Variants in USP34 observed in about 807,000 individuals in gnomAD.
USP34 encodes ubiquitin carboxyl-terminal hydrolase 34.
A neutral mutation model predicts 460.3 loss-of-function variants in USP34; 70 were observed. The observed-to-expected ratio is 0.15, with a 90% CI of 0.13 to 0.19. The LOEUF (loss-of-function observed/expected upper bound fraction) is 0.19, where lower values mean the gene tolerates loss of function less well. Ranked by LOEUF, USP34 falls within the 10% of genes least tolerant of loss-of-function variation. The pLI, the probability that USP34 is intolerant of heterozygous loss-of-function variation, is 1.00. For synonymous variants in USP34, 1,647 were observed against 1,405.3 expected, an observed-to-expected ratio of 1.17 and a Z score of -3.85; for missense variants, 3,985 against 4,236.2, an observed-to-expected ratio of 0.94 and a Z score of 1.65.
At chr2:61,224,504 G>C (rs1687673940) in intron 62 of USP34, among the ~76,000 whole-genome samples, 1 of 152,144 alleles carries the variant, frequency 6.6e-6, no homozygotes, top group Admixed American at 6.6e-5. Flanking sequence ...CATTTCATCT[G>C]GGATTCCAAA....
chr2:61,283,014 A>G, intron 37 of USP34, 131 bp downstream of exon 37: 1 of 871,040 alleles, frequency 1.1e-6, no homozygotes, highest in Non-Finnish European at 1.7e-6. Flanking sequence ...TAGACCTTAA[A>G]GGATTAAGCA....
chr2:61,190,674 G>T lies in USP34; in HGVS notation c.9589-16C>A. On this transcript the variant is annotated splice_polypyrimidine_tract_variant and intron_variant, in intron 76 of 79. Transcript: ENST00000398571. ...ACATAGCAGACTAAAGTGGGGAGAA[G>T]ATGGTTGAGCACTTACGGTTGAGCA... The T allele has an allele frequency of 6.2e-7, 1 of 1,609,814 alleles. No individual in the cohort carries two copies. Among genetic ancestry groups the T allele is most frequent in the Non-Finnish European group, 8.5e-7 (1 of 1,178,538 alleles).
intron 27 of USP34, 46 bp downstream of exon 27, chr2:61,311,494 A>AAG (rs764795511): frequency 2.3e-5 from 10 of 431,682 alleles, no homozygotes; most frequent in Non-Finnish European, 3.0e-5. Context: ...GAGAAAAAGA[A>AAG]AGAAAGAGAG....
chr2:61,337,100 C>A (rs1021322268), intron 18 of USP34, among the ~76,000 whole-genome samples: 1 of 152,120 alleles, frequency 6.6e-6, no homozygotes, highest in Non-Finnish European at 1.5e-5. Flanking sequence ...GTAAACACAT[C>A]TATGTAACCA....
chr2:61,203,041 A>C (rs1687019957), intron 75 of USP34, 99 bp downstream of exon 75: 1 of 1,293,870 alleles, frequency 7.7e-7, no homozygotes, highest in African/African-American at 1.5e-5. Context: ...CACTTTAAAA[A>C]AAGAAAAAAA....
At chr2:61,448,398 G>A (rs1336262168) in intron 1 of USP34, among the ~76,000 whole-genome samples, 1 of 152,148 alleles carries the variant, frequency 6.6e-6, no homozygotes, top group Non-Finnish European at 1.5e-5. Context: ...TCTGTAGTAA[G>A]CTGATAATAG....
chr2:61,379,876 A>T (rs1316474557), intron 7 of USP34, among the ~76,000 whole-genome samples: 1 of 152,278 alleles, frequency 6.6e-6, no homozygotes, highest in Non-Finnish European at 1.5e-5. Context: ...CCTCTTTCTC[A>T]AAACATCTAT....
intron 53 of USP34, among the ~76,000 whole-genome samples, chr2:61,237,669 G>T (rs1688109088): frequency 2.0e-5 from 3 of 147,012 alleles, no homozygotes; most frequent in Non-Finnish European, 4.5e-5. Context: ...CCTGGTCTCA[G>T]GTGATCCTCC....
At chr2:61,194,497 A>G (rs938642565) in intron 75 of USP34, among the ~76,000 whole-genome samples, 1 of 152,206 alleles carries the variant, frequency 6.6e-6, no homozygotes, top group Non-Finnish European at 1.5e-5. Flanking sequence ...TGAGCTAAGA[A>G]TGGCTTTTTC....
chr2:61,352,643 C>T (rs548315076), intron 10 of USP34, among the ~76,000 whole-genome samples: 1 of 149,070 alleles, frequency 6.7e-6, no homozygotes, highest in East Asian at 2.0e-4. Flanking sequence ...TAACAAGACC[C>T]TTGAGAAAAA....
chr2:61,336,273 G>A (rs921153), intron 18 of USP34, among the ~76,000 whole-genome samples: 23,849 of 151,348 alleles, frequency 0.16, 2,290 homozygotes, highest in South Asian at 0.36. Context: ...CTACAGGTAC[G>A]GGCCACCATG....
At chr2:61,248,901 A>ACATAC (rs1263326558) in intron 48 of USP34, among the ~76,000 whole-genome samples, 1 of 152,240 alleles carries the variant, frequency 6.6e-6, no homozygotes, top group Admixed American at 6.5e-5. Context: ...TCCTAAACCA[A>ACATAC]CATACCTATG....
rs1373217194 is a variant in USP34 at position 61,387,631 on chromosome 2, TAC to T, written c.754-4297_754-4296del. Among the ~76,000 whole-genome samples, 10 of 147,226 alleles carry T rather than the reference TAC, an allele frequency of 6.8e-5. No individual in the cohort carries two copies. In the East Asian group the frequency reaches 1.8e-3, roughly 26 times the overall value. The stretch of plus-strand genomic sequence containing the variant: ...TATATAAAATATATATTTTTACATA[TAC>T]ACACATATATAAAAATATATATTTT... On this transcript the variant is annotated intron_variant, in intron 5 of 79. Transcript: ENST00000398571.
intron 19 of USP34, 24 bp downstream of exon 19, chr2:61,333,858 T>C: frequency 4.2e-6 from 6 of 1,425,844 alleles, no homozygotes; most frequent in Non-Finnish European, 5.6e-6. Flanking sequence ...TTAAAATAAA[T>C]ACTTTTTTCT....
At chr2:61,426,038 C>T (rs1343874779) in intron 1 of USP34, among the ~76,000 whole-genome samples, 2 of 152,030 alleles carry the variant, frequency 1.3e-5, no homozygotes, top group Non-Finnish European at 2.9e-5. Context: ...AAGACAGGAG[C>T]TGACAGCATT....
At chr2:61,222,106 C>T (rs756691243) in intron 65 of USP34, among the ~76,000 whole-genome samples, 6 of 152,064 alleles carry the variant, frequency 3.9e-5, no homozygotes, top group Non-Finnish European at 7.4e-5. Flanking sequence ...ATGTCCCCAA[C>T]CCCAAAAATA....
intron 5 of USP34, among the ~76,000 whole-genome samples, chr2:61,389,993 C>A (rs1355139748): frequency 2.0e-5 from 3 of 152,056 alleles, no homozygotes; most frequent in Non-Finnish European, 4.4e-5. Context: ...AAAGAGATAT[C>A]AAAAAATATG....
intron 41 of USP34, among the ~76,000 whole-genome samples, chr2:61,273,511 G>C (rs531086072): frequency 2.6e-5 from 4 of 152,274 alleles, no homozygotes; most frequent in African/African-American, 9.6e-5. Context: ...CTGATGTCAG[G>C]AGTTTGAGAC....
chr2:61,314,257 T>C (rs1572926289), intron 25 of USP34, among the ~76,000 whole-genome samples: 2 of 152,230 alleles, frequency 1.3e-5, no homozygotes, highest in South Asian at 2.1e-4. Context: ...GAGAAACTTT[T>C]TTTAGTAGTG....
Sources: allele counts gnomAD v4.1 joint callset (sites outside exome capture counted in the v4.1 genomes callset), GRCh38; gene constraint gnomAD v4.1.1; transcripts MANE v1.5; gene names NCBI Gene and HGNC (gene_info 2026-07-23, HGNC 2026-07-21).